Variants in DOCK3 observed in about 807,000 individuals in gnomAD.
The protein encoded by DOCK3 is dedicator of cytokinesis 3.
A neutral mutation model predicts 265.6 loss-of-function variants in DOCK3; 60 were observed. The observed-to-expected ratio is 0.23, with a 90% CI of 0.18 to 0.28. The LOEUF (loss-of-function observed/expected upper bound fraction) is 0.28, where lower values mean the gene tolerates loss of function less well. Ranked by LOEUF, DOCK3 falls within the 10% of genes least tolerant of loss-of-function variation. The pLI is 1.00. For synonymous variants in DOCK3, 881 were observed against 938.0 expected (o/e 0.94, Z 1.11); for missense variants, 1,981 against 2,594.3 (o/e 0.76, Z 5.14).
chr3:50,921,837 C>T (rs1232120028), intron 4 of DOCK3, among the ~76,000 whole-genome samples: 2 of 152,152 alleles, frequency 1.3e-5, no homozygotes, highest in East Asian at 3.8e-4. Context: ...ACCCTGTTTG[C>T]CTGGGTATCA....
intron 25 of DOCK3, chr3:51,276,336 G>T (rs141084667): frequency 1.0e-6 from 1 of 984,734 alleles, no homozygotes; most frequent in East Asian, 1.1e-4. Flanking sequence ...AAGCACATAA[G>T]ATCTACTCAT....
At chr3:51,257,474 T>A (rs1256491990) in intron 22 of DOCK3, among the ~76,000 whole-genome samples, 1 of 152,218 alleles carries the variant, frequency 6.6e-6, no homozygotes, top group Admixed American at 6.5e-5. Flanking sequence ...AAAAAGTTTA[T>A]TATTTCTTAC....
At chr3:50,721,805 T>C (rs2037488097) in intron 1 of DOCK3, among the ~76,000 whole-genome samples, 1 of 152,206 alleles carries the variant, frequency 6.6e-6, no homozygotes, top group Non-Finnish European at 1.5e-5. Flanking sequence ...TTTAACAATA[T>C]TGGTTTCTTC....
intron 32 of DOCK3, among the ~76,000 whole-genome samples, chr3:51,329,897 G>C (rs1213828445): frequency 6.6e-6 from 1 of 152,210 alleles, no homozygotes; most frequent in Non-Finnish European, 1.5e-5. Flanking sequence ...ATTGGAAAGA[G>C]TACCTGAGAC....
chr3:51,220,186 A>G (rs1367643177), intron 14 of DOCK3, among the ~76,000 whole-genome samples: 1 of 152,144 alleles, frequency 6.6e-6, no homozygotes, highest in African/African-American at 2.4e-5. Flanking sequence ...CTACATTTCC[A>G]TGTATGCTGT....
intron 9 of DOCK3, among the ~76,000 whole-genome samples, chr3:51,105,718 C>G (rs1044249128): frequency 6.6e-6 from 1 of 152,164 alleles, no homozygotes; most frequent in African/African-American, 2.4e-5. Context: ...TTCCCACTGA[C>G]ATCCCGACAT....
At chr3:50,696,582 A>G (rs2035630664) in intron 1 of DOCK3, among the ~76,000 whole-genome samples, 1 of 152,132 alleles carries the variant, frequency 6.6e-6, no homozygotes, top group Non-Finnish European at 1.5e-5. Flanking sequence ...TTCAGGTCAC[A>G]GGGGACAGTA....
intron 5 of DOCK3, among the ~76,000 whole-genome samples, chr3:51,062,988 C>T (rs767626051): frequency 4.6e-5 from 7 of 152,096 alleles, no homozygotes; most frequent in Non-Finnish European, 1.0e-4. Flanking sequence ...GGATGCTTAA[C>T]TTTTCTTCAT....
At chr3:51,343,164 C>G (rs73837434) in intron 38 of DOCK3, among the ~76,000 whole-genome samples, 1 of 152,026 alleles carries the variant, frequency 6.6e-6, no homozygotes, top group African/African-American at 2.4e-5. Flanking sequence ...ATGTTTAGCA[C>G]CAAGAGAAAA....
intron 31 of DOCK3, among the ~76,000 whole-genome samples, chr3:51,313,165 G>C (rs2083186739): frequency 6.8e-6 from 1 of 147,940 alleles, no homozygotes; most frequent in Non-Finnish European, 1.5e-5. Flanking sequence ...AGAAAAAAAA[G>C]AAAAGGAGGG....
intron 3 of DOCK3, among the ~76,000 whole-genome samples, chr3:50,859,511 C>T (rs771553210): frequency 3.9e-5 from 6 of 152,134 alleles, no homozygotes; most frequent in African/African-American, 1.2e-4. Flanking sequence ...CCACTGCGCC[C>T]GGCCCGGTGT....
chr3:50,782,852 T>C (rs918346917), intron 2 of DOCK3, among the ~76,000 whole-genome samples: 1 of 151,590 alleles, frequency 6.6e-6, no homozygotes, highest in Admixed American at 6.6e-5. Context: ...TGCATCCTCA[T>C]AGCTTAGCTC....
chr3:51,164,227 C>T (rs887109138), intron 12 of DOCK3, among the ~76,000 whole-genome samples: 3 of 152,140 alleles, frequency 2.0e-5, no homozygotes, highest in African/African-American at 7.2e-5. Flanking sequence ...TGTCTTTTAA[C>T]CAATTCTGCC....
At chr3:50,803,667 C>T (rs934275901) in intron 2 of DOCK3, among the ~76,000 whole-genome samples, 1 of 151,652 alleles carries the variant, frequency 6.6e-6, no homozygotes, top group Non-Finnish European at 1.5e-5. Context: ...AGGTGCCCCC[C>T]ACCTCCCAGA....
Position 51,223,578 on chromosome 3 carries a change from T to C in DOCK3, c.1253-2071T>C, listed in dbSNP as rs868699136. 6.6e-5 allele frequency among the ~76,000 whole-genome samples: 10 copies of C among 152,110 alleles called. 1 individual carries two copies. In the South Asian group the frequency reaches 2.1e-3, roughly 32 times the overall value. On this transcript the variant is annotated intron_variant, in intron 14 of 52. Transcript: ENST00000266037. ...TAAATAATAAAAAAAATCTAGACTA[T>C]TCACCTTGTGCTATATCAGTCTACA...
intron 2 of DOCK3, among the ~76,000 whole-genome samples, chr3:50,812,696 C>G (rs2043833406): frequency 6.6e-6 from 1 of 152,220 alleles, no homozygotes; most frequent in African/African-American, 2.4e-5. Context: ...GGGCCACTCA[C>G]AATGGGGCGG....
In DOCK3 at chr3:51,310,445, A is replaced by G. The variant is rs929752917; in HGVS notation, c.3017+119A>G. 24 of 893,754 alleles carry G rather than the reference A, an allele frequency of 2.7e-5. No homozygotes were observed. In the Admixed American group the frequency reaches 5.0e-4, roughly 18 times the overall value. The allele number at this position is 893,754 out of a possible 1,614,324, so 55.4% of individuals were successfully genotyped here. A position where few individuals can be genotyped will look rare whatever the true frequency, so the allele number is the denominator to read the frequency against. ...AAATAAAGGCCAGGGCCATGGGAACAGAGAGGAGAGGGCAAATGAGAAAAA... is the reference window on the plus strand; with the variant it reads ...AAATAAAGGCCAGGGCCATGGGAACGGAGAGGAGAGGGCAAATGAGAAAAA... On this transcript the variant is annotated intron_variant, in intron 28 of 52. Coordinates refer to ENST00000266037, the MANE Select transcript of DOCK3 (RefSeq NM_004947.5).
At chr3:50,833,109 C>G (rs1411218014) in intron 2 of DOCK3, among the ~76,000 whole-genome samples, 1 of 152,068 alleles carries the variant, frequency 6.6e-6, no homozygotes, top group Non-Finnish European at 1.5e-5. Context: ...CTAGCTGATC[C>G]CAATATGTGC....
chr3:51,098,616 A>G (rs138114971), intron 9 of DOCK3, among the ~76,000 whole-genome samples: 119 of 152,332 alleles, frequency 7.8e-4, no homozygotes, highest in African/African-American at 2.8e-3. Context: ...GAGGTTATGT[A>G]TGTAATGCAG....
Sources: allele counts gnomAD v4.1 joint callset (sites outside exome capture counted in the v4.1 genomes callset), GRCh38; gene constraint gnomAD v4.1.1; transcripts MANE v1.5; gene names NCBI Gene and HGNC (gene_info 2026-07-23, HGNC 2026-07-21).